The following MKLN1 variants were observed in gnomAD, a reference collection of about 807,000 sequenced individuals.
MKLN1 encodes the protein muskelin.
In MKLN1, 18 loss-of-function variants were observed where a neutral mutation model predicts 99.0. The observed-to-expected ratio is 0.18, with a 90% CI of 0.13 to 0.27. MKLN1 has a LOEUF of 0.27. Ranked by LOEUF, MKLN1 falls within the 10% of genes least tolerant of loss-of-function variation. The pLI is 1.00. For missense variants in MKLN1, 621 were observed against 875.9 expected (o/e 0.71, Z 3.67); for synonymous variants, 288 against 293.2 (o/e 0.98, Z 0.18).
chr7:131,403,690 G>A (rs1422578810), intron 6 of MKLN1, among the ~76,000 whole-genome samples: 3 of 152,158 alleles, frequency 2.0e-5, no homozygotes, highest in Admixed American at 1.3e-4. Flanking sequence ...TCAGGGAATA[G>A]GGAGGCCCAA....
intron 9 of MKLN1, among the ~76,000 whole-genome samples, chr7:131,435,009 G>A (rs1475375147): frequency 1.3e-5 from 2 of 152,062 alleles, no homozygotes; most frequent in South Asian, 2.1e-4. Flanking sequence ...ATTAAATTTC[G>A]TACATGTTAT....
chr7:131,215,265 C>T (rs1430268500), intron 3 of MKLN1, among the ~76,000 whole-genome samples: 1 of 152,248 alleles, frequency 6.6e-6, no homozygotes, highest in South Asian at 2.1e-4. Context: ...CCAGGCTGGT[C>T]GTGACCTCCT....
At chr7:131,375,555 G>T in intron 2 of MKLN1, 62 bp downstream of exon 2, 1 of 960,134 alleles carries the variant, frequency 1.0e-6, no homozygotes, top group South Asian at 1.4e-5. Flanking sequence ...ACACTCAATT[G>T]ATACTAGTTA....
chr7:131,444,980 T>G (rs1018793405), intron 11 of MKLN1, among the ~76,000 whole-genome samples: 1 of 152,034 alleles, frequency 6.6e-6, no homozygotes, highest in African/African-American at 2.4e-5. Context: ...AAAATCCTGC[T>G]TCATAACATT....
At chr7:131,476,289 A>G (rs1480066467) in intron 16 of MKLN1, among the ~76,000 whole-genome samples, 3 of 152,198 alleles carry the variant, frequency 2.0e-5, no homozygotes, top group African/African-American at 4.8e-5. Context: ...TACCAGAATT[A>G]CACTAGCTAG....
At chr7:131,333,139 G>T (rs553024732) in intron 1 of MKLN1, among the ~76,000 whole-genome samples, 1 of 152,288 alleles carries the variant, frequency 6.6e-6, no homozygotes, top group Admixed American at 6.5e-5. Context: ...GGCCAGGCTG[G>T]TCTTGAATTC....
chr7:131,403,436 C>T (rs1358401914), intron 6 of MKLN1, among the ~76,000 whole-genome samples: 1 of 152,162 alleles, frequency 6.6e-6, no homozygotes, highest in Non-Finnish European at 1.5e-5. Context: ...AACAATAAGT[C>T]TGTTTTGCTT....
intron 6 of MKLN1, among the ~76,000 whole-genome samples, chr7:131,402,132 C>T (rs1380630246): frequency 1.3e-5 from 2 of 152,212 alleles, no homozygotes; most frequent in Non-Finnish European, 2.9e-5. Flanking sequence ...TCAATCCTCT[C>T]AAACCCTGCT....
At chr7:131,397,206 TA>T (rs1214835400) in intron 4 of MKLN1, 60 bp from the exon 5 acceptor site, 2 of 1,164,192 alleles carry the variant, frequency 1.7e-6, no homozygotes, top group African/African-American at 3.1e-5. Flanking sequence ...TTTACTTTGC[TA>T]AAGTTTTATT....
intron 8 of MKLN1, among the ~76,000 whole-genome samples, chr7:131,416,160 AAGG>A (rs1409744264): frequency 6.6e-6 from 1 of 152,204 alleles, no homozygotes; most frequent in African/African-American, 2.4e-5. Flanking sequence ...GTTTATTTGA[AAGG>A]AGCCTTTACC....
intron 2 of MKLN1, among the ~76,000 whole-genome samples, chr7:131,152,409 T>C (rs1166670536): frequency 6.6e-6 from 1 of 152,170 alleles, no homozygotes; most frequent in Non-Finnish European, 1.5e-5. Context: ...CTAATACAAT[T>C]TTTTAGTAGT....
At chr7:131,174,264 G>A (rs553431474) in intron 2 of MKLN1, among the ~76,000 whole-genome samples, 6 of 152,148 alleles carry the variant, frequency 3.9e-5, no homozygotes, top group Admixed American at 1.3e-4. Context: ...GAGCCACCGC[G>A]CCCCACCCTT....
Position 131,294,613 on chromosome 7 carries a change from C to T in MKLN1, c.-178-80811C>T, listed in dbSNP as rs116565254. The stretch of plus-strand genomic sequence containing the variant: ...TGCCTGGGAAATGAGCTAGCTCAAA[C>T]CAGGTGTGGAGAGCTAGGGCTGAGG... On this transcript the variant is annotated intron_variant, in intron 3 of 7. Coordinates refer to the MKLN1 transcript ENST00000416992. 6.8e-3 allele frequency among the ~76,000 whole-genome samples: 1,030 copies of T among 152,280 alleles called. 12 individuals carry two copies. Among genetic ancestry groups the T allele is most frequent in the African/African-American group, 0.023 (974 of 41,554 alleles).
intron 3 of MKLN1, among the ~76,000 whole-genome samples, chr7:131,283,117 G>A (rs1030379865): frequency 5.3e-5 from 8 of 152,098 alleles, no homozygotes; most frequent in Admixed American, 3.3e-4. Flanking sequence ...ATGTTTATGG[G>A]GATGGCTCAT....
chr7:131,398,782 C>T (rs1794437880), intron 5 of MKLN1, among the ~76,000 whole-genome samples: 1 of 151,846 alleles, frequency 6.6e-6, no homozygotes, highest in Non-Finnish European at 1.5e-5. Flanking sequence ...TATCTGTATA[C>T]TTGATACTTG....
chr7:131,469,860 A>G (rs1199626231), intron 15 of MKLN1, among the ~76,000 whole-genome samples: 1 of 144,420 alleles, frequency 6.9e-6, no homozygotes, highest in Non-Finnish European at 1.5e-5. Flanking sequence ...ATCCAGATTC[A>G]TTCTCTGCAC....
At chr7:131,463,431 A>G (rs2116610735) in intron 13 of MKLN1, 67 bp downstream of exon 13, 1 of 1,475,664 alleles carries the variant, frequency 6.8e-7, no homozygotes, top group Non-Finnish European at 9.3e-7. Context: ...GTTTATTCAA[A>G]AAAGAGAGAA....
rs34534901 is a variant in MKLN1, at chr7:131,144,481, CAA to C, written c.-297+1554_-297+1555del. ...TGGGTGACAGAGCAGGACTGTGTCTCAAAAAAAAAAAAAAAGTTTTTCTTTTT... is the reference window on the plus strand; with the variant it reads ...TGGGTGACAGAGCAGGACTGTGTCTCAAAAAAAAAAAAAGTTTTTCTTTTT... On this transcript the variant is annotated intron_variant, in intron 2 of 7. Transcript: ENST00000416992. Among the ~76,000 whole-genome samples the C allele has an allele frequency of 2.7e-3, 365 of 134,824 alleles. 1 individual carries two copies. The highest frequency in any genetic ancestry group is 4.0e-3 in the Middle Eastern group (1 of 248). 88.4% of individuals were successfully genotyped at this position (134,824 alleles called of 152,430 possible).
chr7:131,476,398 C>A (rs974850553), intron 16 of MKLN1, among the ~76,000 whole-genome samples: 1 of 151,992 alleles, frequency 6.6e-6, no homozygotes, highest in Non-Finnish European at 1.5e-5. Flanking sequence ...TTCGAAACCC[C>A]ATGGTGTCTA....
Sources: allele counts gnomAD v4.1 joint callset (sites outside exome capture counted in the v4.1 genomes callset), GRCh38; gene constraint gnomAD v4.1.1; transcripts MANE v1.5; gene names NCBI Gene and HGNC (gene_info 2026-07-23, HGNC 2026-07-21).